The following HNRNPH1 variants were observed in gnomAD, a reference collection of about 807,000 sequenced individuals.
HNRNPH1 encodes the protein heterogeneous nuclear ribonucleoprotein H1.
Under a neutral mutation model 58.6 loss-of-function variants are expected in HNRNPH1, and 4 were observed. That is an observed-to-expected ratio of 0.07 (90% CI 0.03 to 0.16). The LOEUF (loss-of-function observed/expected upper bound fraction) is 0.16, where lower values mean the gene tolerates loss of function less well. Among genes scored for constraint, HNRNPH1 ranks in the 10% least tolerant of loss-of-function variants. The probability of loss-of-function intolerance (pLI) is 1.00; values close to 1 mark genes in which losing one functional copy is unlikely to be tolerated. For missense variants in HNRNPH1, 271 were observed against 564.2 expected (o/e 0.48, Z 5.26); for synonymous variants, 192 against 189.2 (o/e 1.01, Z -0.12).
chr5:179,625,920 C>T (rs2127730840), upstream of HNRNPH1, among the ~76,000 whole-genome samples: 1 of 147,780 alleles, frequency 6.8e-6, no homozygotes, highest in African/African-American at 2.5e-5. Flanking sequence ...AGGCATGTGC[C>T]ACCTTGCTCA....
rs747009222 is a variant in HNRNPH1 at position 179,620,860 on chromosome 5, C to G, written c.397+32G>C. On this transcript the variant is annotated intron_variant, in intron 3 of 12. Coordinates refer to ENST00000356731, the Ensembl canonical transcript of HNRNPH1. ...TCACCTTGCCATAAGCTAGCCAAAA[C>G]TCACTGCTCAGCAACAAACATGACT... The G allele has an allele frequency of 2.5e-6, 4 of 1,607,880 alleles. No individual in the cohort carries two copies. In the African/African-American group the frequency reaches 4.0e-5, roughly 16 times the overall value.
exon 1 of HNRNPH1, chr5:179,623,385 C>T (rs928529102): frequency 3.4e-6 from 1 of 295,336 alleles, no homozygotes; most frequent in Non-Finnish European, 6.6e-6. Context: ...CGAGAGCCAG[C>T]GTAGAGGAAA....
chr5:179,618,135 C>G lies in HNRNPH1; in HGVS notation c.715+10G>C. 6.2e-7 allele frequency: 1 copy of G among 1,613,402 alleles called. No individual in the cohort carries two copies. Among genetic ancestry groups the G allele is most frequent in the Non-Finnish European group, 8.5e-7 (1 of 1,179,640 alleles). ...AGACGACTTGCCGAACCTTACGAAT[C>G]CTCACGTACCTCCACCATAAGCACC... On this transcript the variant is annotated intron_variant, in intron 5 of 12. Coordinates refer to ENST00000356731, the Ensembl canonical transcript of HNRNPH1.
intron 11 of HNRNPH1, 146 bp downstream of exon 12, chr5:179,615,980 A>G: frequency 1.5e-6 from 1 of 661,934 alleles, no homozygotes; most frequent in Non-Finnish European, 2.7e-6. Flanking sequence ...ATTTCACCGA[A>G]AGGAGCCTGC....
At chr5:179,623,446 T>TA (rs1339047961) in exon 1 of HNRNPH1, 2 of 216,870 alleles carry the variant, frequency 9.2e-6, no homozygotes, top group Non-Finnish European at 1.9e-5. Context: ...TCTCACACAA[T>TA]AGAGTCGGCG....
intron 2 of HNRNPH1, 69 bp from the exon 4 acceptor site, chr5:179,621,104 T>G: frequency 6.4e-7 from 1 of 1,563,188 alleles, no homozygotes; most frequent in Non-Finnish European, 8.8e-7. Flanking sequence ...TCCTGGGTCT[T>G]TAGATAAGCT....
chr5:179,620,684 T>C (rs931687497), intron 3 of HNRNPH1: 14 of 558,252 alleles, frequency 2.5e-5, no homozygotes, highest in East Asian at 1.8e-4. Context: ...TAATACTAAA[T>C]ATAGGCAAAG....
At chr5:179,615,657 G>GA (rs1337078998) in intron 11 of HNRNPH1, 62 bp from the exon 13 acceptor site, 54 of 839,526 alleles carry the variant, frequency 6.4e-5, no homozygotes, top group South Asian at 1.8e-4. Context: ...TAGACCAATT[G>GA]AAAAAAAATA....
intron 2 of HNRNPH1, among the ~76,000 whole-genome samples, chr5:179,632,573 T>C (rs1230631931): frequency 6.6e-6 from 1 of 151,902 alleles, no homozygotes; most frequent in African/African-American, 2.4e-5. Flanking sequence ...TGTCCAGCCG[T>C]CCGCTGAGGA....
intron 2 of HNRNPH1, among the ~76,000 whole-genome samples, chr5:179,630,020 T>C (rs1389313322): frequency 6.6e-6 from 1 of 151,368 alleles, no homozygotes; most frequent in African/African-American, 2.4e-5. Flanking sequence ...CGACTCTGTC[T>C]CAAAATAAAA....
upstream of HNRNPH1, among the ~76,000 whole-genome samples, chr5:179,627,527 G>T (rs189633370): frequency 6.6e-6 from 1 of 151,198 alleles, no homozygotes; most frequent in East Asian, 1.9e-4. Context: ...TTTAAGACAG[G>T]GTCTCACTTC....
At chr5:179,616,471 G>A (rs1769739909) in intron 10 of HNRNPH1, 3 of 542,020 alleles carry the variant, frequency 5.5e-6, no homozygotes, top group Non-Finnish European at 3.3e-6. Context: ...TCCGTAAGTA[G>A]AGGCATTTTG....
At chr5:179,615,644 C>A in intron 11 of HNRNPH1, 49 bp from the exon 13 acceptor site, 1 of 931,152 alleles carries the variant, frequency 1.1e-6, no homozygotes, top group Non-Finnish European at 1.7e-6. Flanking sequence ...AATCACCATT[C>A]TTTAGACCAA....
At position 179,633,953 on chromosome 5, in the gene HNRNPH1, A is replaced by G. The variant is rs144230012; in HGVS notation, c.-32+112T>C. Reference sequence around the variant, plus strand: ...AAAATAAAATAAAATAAAATAAAATAACAAAGTAAGCAGTAAAACCATCCA... The same window carrying G: ...AAAATAAAATAAAATAAAATAAAATGACAAAGTAAGCAGTAAAACCATCCA... On this transcript the variant is annotated intron_variant, in intron 2 of 4. Coordinates refer to the HNRNPH1 transcript ENST00000521116. 4 of 152,236 alleles carry G rather than the reference A, an allele frequency of 2.6e-5. No homozygotes were observed. The East Asian group carries it at 7.7e-4, about 29-fold the overall frequency. The allele number at this position is 152,236 out of a possible 1,614,324, so 9.4% of individuals were successfully genotyped here. A position where few individuals can be genotyped will look rare whatever the true frequency, so the allele number is the denominator to read the frequency against.
At chr5:179,628,912 C>A (rs1027314890), upstream of HNRNPH1, among the ~76,000 whole-genome samples, 3 of 152,112 alleles carry the variant, frequency 2.0e-5, no homozygotes, top group African/African-American at 7.2e-5. Context: ...ACCCCAGAGA[C>A]AGAGGTTGCA....
exon 1 of HNRNPH1, chr5:179,624,611 G>A (rs1253539566): frequency 1.8e-5 from 7 of 398,586 alleles, no homozygotes; most frequent in Non-Finnish European, 2.7e-5. Flanking sequence ...GAGGCCCCCG[G>A]GTCACCCCAT....
At chr5:179,627,245 G>T (rs1310575177), upstream of HNRNPH1, among the ~76,000 whole-genome samples, 2 of 152,046 alleles carry the variant, frequency 1.3e-5, no homozygotes, top group East Asian at 3.9e-4. Context: ...CTTGTTCCGT[G>T]CAGTGACACA....
intron 10 of HNRNPH1, 77 bp downstream of exon 11, chr5:179,616,792 A>G (rs1258695927): frequency 1.6e-6 from 2 of 1,240,246 alleles, no homozygotes; most frequent in African/African-American, 1.5e-5. Flanking sequence ...CTTATTAAAT[A>G]AATAGATTAA....
rs766196278 is a variant in HNRNPH1, at chr5:179,618,074, T to C, written c.716-14A>G. 8 of 1,613,572 alleles carry C rather than the reference T, an allele frequency of 5.0e-6. No homozygotes were observed. The highest frequency in any genetic ancestry group is 6.8e-6 in the Non-Finnish European group (8 of 1,179,688). The stretch of plus-strand genomic sequence containing the variant: ...AGCCTCCATAGCCTGAAAGACAAAG[T>C]ACAATCAATCAAATAAAACACCTAG... On this transcript the variant is annotated splice_polypyrimidine_tract_variant and intron_variant, in intron 5 of 12. Transcript: ENST00000356731.
Sources: gnomAD v4.1 joint callset for allele counts (sites outside exome capture counted in the v4.1 genomes callset) on GRCh38, gnomAD v4.1.1 for gene constraint, MANE v1.5 for transcripts, NCBI Gene and HGNC (gene_info 2026-07-23, HGNC 2026-07-21) for gene names.